The following POMGNT2 variants were observed in gnomAD, a reference collection of about 807,000 sequenced individuals.
POMGNT2 encodes protein O-linked mannose N-acetylglucosaminyltransferase 2 (beta 1,4-), also known as protein O-linked-mannose beta-1,4-N-acetylglucosaminyltransferase 2.
POMGNT2 carries 32 observed loss-of-function variants against 37.8 expected under a neutral mutation model. The observed-to-expected ratio is 0.85, with a 90% CI of 0.64 to 1.14. The LOEUF (loss-of-function observed/expected upper bound fraction) is 1.14, where lower values mean the gene tolerates loss of function less well. POMGNT2 is among the 50% of genes most tolerant of loss of function. POMGNT2 has a pLI of 0.00. For synonymous variants in POMGNT2, 340 were observed against 336.8 expected, an observed-to-expected ratio of 1.01 and a Z score of -0.10; for missense variants, 705 against 780.6, an observed-to-expected ratio of 0.90 and a Z score of 1.15.
chr3:43,090,514 T>C (rs1214963516), intron 1 of POMGNT2: 1 of 152,090 alleles, frequency 6.6e-6, no homozygotes, highest in Non-Finnish European at 1.5e-5. Flanking sequence ...TATGGACAGT[T>C]CTTCTCAAGA....
chr3:43,103,919 G>A (rs2090037779), intron 1 of POMGNT2, among the ~76,000 whole-genome samples: 1 of 152,022 alleles, frequency 6.6e-6, no homozygotes, highest in African/African-American at 2.4e-5. Flanking sequence ...AGACAGCAAA[G>A]GCAAAACACC....
At chr3:43,094,708 C>T (rs1179630787) in intron 1 of POMGNT2, among the ~76,000 whole-genome samples, 1 of 152,228 alleles carries the variant, frequency 6.6e-6, no homozygotes, top group Non-Finnish European at 1.5e-5. Flanking sequence ...CTGAAGGCCT[C>T]CATGCCCCAC....
chr3:43,084,372 G>T (rs1418231368), intron 1 of POMGNT2, among the ~76,000 whole-genome samples: 1 of 152,116 alleles, frequency 6.6e-6, no homozygotes, highest in African/African-American at 2.4e-5. Context: ...TTGGCCAGGG[G>T]CGGTGGTTCA....
chr3:43,087,122 G>C lies in POMGNT2; in HGVS notation c.-105-5586C>G, dbSNP rs540462949. Among the ~76,000 whole-genome samples, 46 of 152,230 alleles carry C rather than the reference G, an allele frequency of 3.0e-4. No homozygotes were observed. The South Asian group carries it at 9.3e-3, about 31-fold the overall frequency. Reference sequence around the variant, plus strand: ...TAGAAGCAAAATAGAAGAAAGGAAGGATTCTCCCCTAGAGCCTTCAGAGGG... The same window carrying C: ...TAGAAGCAAAATAGAAGAAAGGAAGCATTCTCCCCTAGAGCCTTCAGAGGG... On this transcript the variant is annotated intron_variant, in intron 1 of 1. Transcript: ENST00000344697.
intron 1 of POMGNT2, among the ~76,000 whole-genome samples, chr3:43,100,654 A>T (rs1237844061): frequency 1.3e-5 from 2 of 152,210 alleles, no homozygotes; most frequent in African/African-American, 4.8e-5. Flanking sequence ...TATTATTATT[A>T]ACATATGGTT....
chr3:43,080,261 C>T lies in POMGNT2; in HGVS notation c.1171G>A (p.Val391Ile). 6.2e-7 allele frequency: 1 copy of T among 1,614,188 alleles called. No homozygotes were observed. The highest frequency in any genetic ancestry group is 8.5e-7 in the Non-Finnish European group (1 of 1,180,026). ...AMLPGMDLQY[V>I]AWRNMMPENT... is the part of the protein sequence containing the mutation. ...TCTGGCATCATGTTCCGCCAGGCTA[C>T]ATACTGGAGGTCCATGCCAGGCAGC... is the stretch of plus-strand genomic sequence containing the variant. Residue 391 changes from valine to isoleucine, a missense_variant, in exon 2 of 2, where the codon GTA becomes ATA. Val to Ile is a conservative substitution (Grantham distance 29). Coordinates refer to ENST00000344697, the MANE Select transcript of POMGNT2 (RefSeq NM_032806.6).
chr3:43,099,117 T>C (rs190846656), intron 1 of POMGNT2, among the ~76,000 whole-genome samples: 33 of 152,290 alleles, frequency 2.2e-4, no homozygotes, highest in Non-Finnish European at 3.2e-4. Flanking sequence ...CCAGGTTTTC[T>C]AGGTGGAACT....
chr3:43,094,309 T>A (rs2089964001), intron 1 of POMGNT2, among the ~76,000 whole-genome samples: 1 of 152,258 alleles, frequency 6.6e-6, no homozygotes, highest in Non-Finnish European at 1.5e-5. Flanking sequence ...GAAATGTTCC[T>A]GGATAATAAA....
chr3:43,094,492 A>G (rs1017732781), intron 1 of POMGNT2, among the ~76,000 whole-genome samples: 7 of 152,208 alleles, frequency 4.6e-5, no homozygotes, highest in African/African-American at 1.7e-4. Context: ...AGCAGCAAGG[A>G]GGCAAGGGAA....
chr3:43,086,478 C>G (rs2089898651), intron 1 of POMGNT2, among the ~76,000 whole-genome samples: 1 of 152,196 alleles, frequency 6.6e-6, no homozygotes, highest in Non-Finnish European at 1.5e-5. Flanking sequence ...TGCTTTACTT[C>G]ACTGCAAAAT....
At chr3:43,089,078 C>T (rs1335542785) in intron 1 of POMGNT2, among the ~76,000 whole-genome samples, 1 of 152,218 alleles carries the variant, frequency 6.6e-6, no homozygotes, top group African/African-American at 2.4e-5. Flanking sequence ...ATGAAGCCCC[C>T]TCCCTAAGAA....
chr3:43,101,022 G>A (rs1312340779), intron 1 of POMGNT2, among the ~76,000 whole-genome samples: 1 of 152,176 alleles, frequency 6.6e-6, no homozygotes, highest in Admixed American at 6.5e-5. Context: ...CCACTTTACT[G>A]GAGAAAAGAA....
At chr3:43,094,874 T>A (rs1449717844) in intron 1 of POMGNT2, among the ~76,000 whole-genome samples, 1 of 152,236 alleles carries the variant, frequency 6.6e-6, no homozygotes, top group Non-Finnish European at 1.5e-5. Flanking sequence ...AGAGCTGGAA[T>A]GTGCCTCTCC....
At chr3:43,091,263 A>G (rs1259287315) in intron 1 of POMGNT2, among the ~76,000 whole-genome samples, 1 of 124,840 alleles carries the variant, frequency 8.0e-6, no homozygotes, top group Non-Finnish European at 1.8e-5. Context: ...AGAATGTAAA[A>G]GTATTAAAAA....
chr3:43,084,983 C>T (rs1479930103), intron 1 of POMGNT2, among the ~76,000 whole-genome samples: 1 of 146,490 alleles, frequency 6.8e-6, no homozygotes, highest in Non-Finnish European at 1.5e-5. Context: ...TAAAACTGTA[C>T]TGGTGGGGGA....
At chr3:43,095,062 C>T (rs1016548244) in intron 1 of POMGNT2, among the ~76,000 whole-genome samples, 1 of 152,172 alleles carries the variant, frequency 6.6e-6, no homozygotes, top group Non-Finnish European at 1.5e-5. Context: ...CTTCCTTGCC[C>T]CTGCTCAGCA....
At chr3:43,090,542 C>T (rs897914474) in intron 1 of POMGNT2, 1 of 152,080 alleles carries the variant, frequency 6.6e-6, no homozygotes, top group Non-Finnish European at 1.5e-5. Flanking sequence ...CCTGCGTGCC[C>T]AGTAAGACAT....
intron 1 of POMGNT2, among the ~76,000 whole-genome samples, chr3:43,088,740 C>T (rs564758480): frequency 3.9e-5 from 6 of 152,208 alleles, no homozygotes; most frequent in East Asian, 1.9e-4. Context: ...GCTGACCATG[C>T]GGAAACCAGC....
intron 1 of POMGNT2, among the ~76,000 whole-genome samples, chr3:43,093,931 A>G (rs1251822995): frequency 1.3e-5 from 2 of 152,178 alleles, no homozygotes; most frequent in Non-Finnish European, 2.9e-5. Context: ...TTAAAAAAAA[A>G]TAGATCTAGT....
Sources: allele counts gnomAD v4.1 joint callset (sites outside exome capture counted in the v4.1 genomes callset), GRCh38; gene constraint gnomAD v4.1.1; transcripts MANE v1.5; gene names NCBI Gene and HGNC (gene_info 2026-07-23, HGNC 2026-07-21).